Variants in RRBP1 observed in about 807,000 individuals in gnomAD.
RRBP1 encodes the protein ribosome-binding protein 1.
RRBP1 carries 94 observed loss-of-function variants against 165.2 expected under a neutral mutation model. The observed-to-expected ratio is 0.57, with a 90% CI of 0.48 to 0.68. The LOEUF is 0.68. RRBP1 is among the 30% of genes least tolerant of loss of function. RRBP1 has a pLI of 0.00. For missense variants in RRBP1, 1,676 were observed against 1,763.0 expected (o/e 0.95, Z 0.88); for synonymous variants, 680 against 714.5 (o/e 0.95, Z 0.77).
chr20:17,631,731 G>A (rs1389944495), intron 8 of RRBP1, among the ~76,000 whole-genome samples: 2 of 152,204 alleles, frequency 1.3e-5, no homozygotes, highest in Non-Finnish European at 2.9e-5. Flanking sequence ...AGGCAATGAG[G>A]GGCAGGGCAC....
chr20:17,659,279 T>C lies in RRBP1; in HGVS notation c.1229A>G (p.Lys410Arg), dbSNP rs1481489433. 3 of 1,536,298 alleles carry C rather than the reference T, an allele frequency of 2.0e-6. No homozygotes were observed. Among genetic ancestry groups the C allele is most frequent in the East Asian group, 2.5e-5 (1 of 40,068 alleles). The part of the protein sequence containing the change: ...KKAEGAQNQG[K>R]KAEGAQNQGK... ...CTGATTCTGGGCCCCCTCGGCCTTTTTGCCCTGGTTCTGGGCACCCTCAGC... is the reference window on the plus strand; with the variant it reads ...CTGATTCTGGGCCCCCTCGGCCTTTCTGCCCTGGTTCTGGGCACCCTCAGC... The change falls in exon 3 of 25, where the codon AAA (lysine) becomes AGA (arginine). Residue 410 changes from lysine to arginine, a missense_variant. By Grantham distance (26) the Lys-to-Arg change is conservative (BLOSUM62 2). Around this residue, in one of 5 missense-constraint regions of RRBP1, gnomAD observed 78 missense variants for 115.6 expected, o/e 0.67. Coordinates refer to ENST00000377813, the MANE Select transcript of RRBP1 (RefSeq NM_001365613.2).
chr20:17,615,506 T>C lies in RRBP1; in HGVS notation c.3975A>G (p.Leu1325=). ...FEEAQTSACR[L]QEELEKLRTA... Reference sequence around the variant, plus strand: ...TGCGGAGCTTCTCCAATTCTTCTTGTAACCGACATGCCGAGGTCTGAGCCT... The same window carrying C: ...TGCGGAGCTTCTCCAATTCTTCTTGCAACCGACATGCCGAGGTCTGAGCCT... Residue 1325 remains leucine (L), a synonymous_variant, in exon 23 of 25, where the codon TTA becomes TTG. Transcript: ENST00000377813. 2 of 1,606,894 alleles carry C rather than the reference T, an allele frequency of 1.2e-6. No individual in the cohort carries two copies. The highest frequency in any genetic ancestry group is 2.2e-5 in the East Asian group (1 of 44,450).
chr20:17,663,213 G>C (rs932470082), intron 2 of RRBP1, among the ~76,000 whole-genome samples: 1 of 152,188 alleles, frequency 6.6e-6, no homozygotes, highest in Non-Finnish European at 1.5e-5. Context: ...ACAAAGCGGG[G>C]CCTGTTCACA....
In RRBP1 at chr20:17,635,607, G is replaced by A; in HGVS notation, c.2395C>T (p.Gln799Ter). The A allele has an allele frequency of 1.2e-6, 2 of 1,613,456 alleles. No individual in the cohort carries two copies. The highest frequency in any genetic ancestry group is 8.5e-7 in the Non-Finnish European group (1 of 1,179,888). The change falls in exon 7 of 25, where the codon CAG (glutamine) becomes TAG (stop). Residue 799 changes from glutamine to a stop codon, truncating the protein, a stop_gained. Transcript: ENST00000377813. LOFTEE classifies it high-confidence loss of function. ...TCCCGCAGGATGGAGTTCTCCTGCT[G>A]CAGGCGGGCCAGCTGCGTGTTGGGG... is the stretch of plus-strand genomic sequence containing the variant. ...NGPNTQLARL[Q>*]QENSILRDAL... is the part of the protein sequence containing the mutation.
chr20:17,629,206 C>A (rs540046164), intron 9 of RRBP1, among the ~76,000 whole-genome samples: 2 of 152,348 alleles, frequency 1.3e-5, no homozygotes, highest in South Asian at 2.1e-4. Context: ...CCGGCACCCA[C>A]GGCAGTGCTT....
intron 2 of RRBP1, among the ~76,000 whole-genome samples, chr20:17,674,909 A>G (rs559444834): frequency 2.0e-5 from 3 of 152,132 alleles, no homozygotes; most frequent in Non-Finnish European, 4.4e-5. Context: ...ATGCTCAGTG[A>G]CTCTGCAAGG....
chr20:17,619,001 T>C (rs997000038), intron 19 of RRBP1: 5 of 340,620 alleles, frequency 1.5e-5, no homozygotes, highest in Non-Finnish European at 2.8e-5. Context: ...TCATCCACGC[T>C]GGTCTTGAAC....
At position 17,619,469 on chromosome 20, in the gene RRBP1, G is replaced by C. The variant is rs1054787; in HGVS notation, c.3675+164C>G. On this transcript the variant is annotated intron_variant, in intron 19 of 24. Coordinates refer to ENST00000377813, the MANE Select transcript of RRBP1 (RefSeq NM_001365613.2). ...CTGCCCTGAGAGACACCTCAGGCCT[G>C]ACAGCCCAACGAGGGGCCTGTGAGG... 89,409 of 522,608 alleles carry C rather than the reference G, an allele frequency of 0.17. 10,486 individuals are homozygous for C. The highest frequency in any genetic ancestry group is 0.51 in the East Asian group (15,518 of 30,596). 32.4% of individuals were successfully genotyped at this position (522,608 alleles called of 1,614,324 possible). A position where few individuals can be genotyped will look rare whatever the true frequency, so the allele number is the denominator to read the frequency against.
At chr20:17,645,611 G>C (rs545704286) in intron 3 of RRBP1, among the ~76,000 whole-genome samples, 2 of 152,254 alleles carry the variant, frequency 1.3e-5, no homozygotes, top group Admixed American at 1.3e-4. Context: ...CAGCACAACT[G>C]AAAGAAAAAA....
rs146909832 is a variant in RRBP1 at position 17,652,635 on chromosome 20, C to T, written c.1912+5961G>A. Among the ~76,000 whole-genome samples the T allele has an allele frequency of 1.8e-3, 280 of 152,298 alleles. 1 individual carries two copies. Among genetic ancestry groups the T allele is most frequent in the African/African-American group, 5.7e-3 (235 of 41,566 alleles). On this transcript the variant is annotated intron_variant, in intron 3 of 24. Transcript: ENST00000377813. ...GTCAGCCCACCCGGAGTTCTGCCTA[C>T]AGTTGCCTCAGGTTGGGCACACATG... is the stretch of plus-strand genomic sequence containing the variant.
rs3748498 is a variant in RRBP1 at position 17,660,719 on chromosome 20, G to A, written c.-21-191C>T. Among the ~76,000 whole-genome samples, 749 of 152,280 alleles carry A rather than the reference G, an allele frequency of 4.9e-3. 24 individuals are homozygous for A. Among genetic ancestry groups the A allele is most frequent in the Admixed American group, 0.037 (564 of 15,292 alleles). ...GCTCCTCTTTAGGAGTGAGCGATTC[G>A]TACCCAAGGCATGAGCAGTCCCCAT... On this transcript the variant is annotated intron_variant, in intron 2 of 24. Transcript: ENST00000377813.
At chr20:17,667,661 C>A (rs184303089) in intron 2 of RRBP1, among the ~76,000 whole-genome samples, 6 of 152,312 alleles carry the variant, frequency 3.9e-5, no homozygotes, top group African/African-American at 1.4e-4. Context: ...GACATGAGCC[C>A]CCATCACACA....
chr20:17,642,945 CCT>C, intron 4 of RRBP1, 32 bp downstream of exon 4: 2 of 1,606,770 alleles, frequency 1.2e-6, no homozygotes, highest in Non-Finnish European at 8.5e-7. Flanking sequence ...GCTGCAGTGG[CCT>C]CTGAGCATGG....
At chr20:17,646,504 C>T (rs2036464890) in intron 3 of RRBP1, among the ~76,000 whole-genome samples, 1 of 152,194 alleles carries the variant, frequency 6.6e-6, no homozygotes, top group African/African-American at 2.4e-5. Flanking sequence ...CCTTCCTTTG[C>T]TTCTGTTTCC....
Position 17,621,765 on chromosome 20 carries a change from G to T in RRBP1, c.3249C>A (p.Thr1083=), listed in dbSNP as rs148899277. The T allele has an allele frequency of 8.3e-5, 134 of 1,613,918 alleles. 1 individual carries two copies. In the African/African-American group the frequency reaches 1.3e-3, roughly 16 times the overall value. The change falls in exon 15 of 25, where the codon ACC becomes ACA. Residue 1083 remains threonine, a synonymous_variant. Transcript: ENST00000377813. The stretch of plus-strand genomic sequence containing the variant: ...TCTCTTTGAGATCCTGCAGCCACTC[G>T]GTGTAATTCTGCAATGAAACACATT... ...ELSVLAQQNY[T]EWLQDLKEKG...
intron 8 of RRBP1, 28 bp downstream of exon 8, chr20:17,633,432 C>CA: frequency 6.2e-7 from 1 of 1,604,318 alleles, no homozygotes; most frequent in Non-Finnish European, 8.5e-7. Context: ...GTGAACAGGG[C>CA]ACTGAGGCGG....
chr20:17,615,409 C>T (rs1469340840), intron 23 of RRBP1, 22 bp downstream of exon 23: 1 of 1,589,504 alleles, frequency 6.3e-7, no homozygotes, highest in Non-Finnish European at 8.6e-7. Context: ...CAGGTGTGAC[C>T]CCCGCCCCAG....
rs747479610 is a variant in RRBP1, at chr20:17,619,635, CT to C, written c.3672del (p.Leu1226Ter). On this transcript the variant is annotated frameshift_variant, in exon 19 of 25. Transcript: ENST00000377813. LOFTEE classifies it high-confidence loss of function. ...AECQNYAKEV[A>X]GLRQLLLESQ... Reference sequence around the variant, plus strand: ...CACTCCTTGGGGGGCAGACTCACCCCTGCCACCTCCTTGGCGTAGTTCTGGC... The same window carrying C: ...CACTCCTTGGGGGGCAGACTCACCCCGCCACCTCCTTGGCGTAGTTCTGGC... 3 of 1,610,070 alleles carry C rather than the reference CT, an allele frequency of 1.9e-6. No homozygotes were observed. Among genetic ancestry groups the C allele is most frequent in the Non-Finnish European group, 1.7e-6 (2 of 1,178,304 alleles).
chr20:17,615,250 T>C (rs941587532), intron 23 of RRBP1, among the ~76,000 whole-genome samples, 181 bp downstream of exon 23: 3 of 152,176 alleles, frequency 2.0e-5, no homozygotes, highest in Non-Finnish European at 2.9e-5. Context: ...CATGTGACCA[T>C]GTGACACTGC....
Sources: gnomAD v4.1 joint callset for allele counts (sites outside exome capture counted in the v4.1 genomes callset) on GRCh38, gnomAD v4.1.1 for gene constraint, gnomAD v4.1.1 regional missense constraint, MANE v1.5 for transcripts, NCBI Gene and HGNC (gene_info 2026-07-23, HGNC 2026-07-21) for gene names.